Variants in COL4A1 observed in about 807,000 individuals in gnomAD.
The protein encoded by COL4A1 is collagen type IV alpha 1 chain, also known as collagen alpha-1(IV) chain.
A neutral mutation model predicts 216.6 loss-of-function variants in COL4A1; 40 were observed. The ratio of observed to expected loss-of-function variants is 0.18; its 90% confidence interval spans 0.14 to 0.24. The LOEUF is 0.24. COL4A1 is among the 10% of genes least tolerant of loss of function. The probability of loss-of-function intolerance (pLI) is 1.00; values close to 1 mark genes in which losing one functional copy is unlikely to be tolerated. For missense variants in COL4A1, 1,628 were observed against 2,196.8 expected, an observed-to-expected ratio of 0.74 and a Z score of 5.18; for synonymous variants, 839 against 810.7, an observed-to-expected ratio of 1.03 and a Z score of -0.59.
intron 1 of COL4A1, among the ~76,000 whole-genome samples, chr13:110,290,255 C>A (rs908372990): frequency 6.6e-6 from 1 of 152,176 alleles, no homozygotes; most frequent in Non-Finnish European, 1.5e-5. Flanking sequence ...CACACGTGAG[C>A]GCGTTGCAAG....
At chr13:110,247,864 G>T (rs1881899425) in intron 1 of COL4A1, among the ~76,000 whole-genome samples, 2 of 149,784 alleles carry the variant, frequency 1.3e-5, no homozygotes, top group Admixed American at 6.7e-5. Context: ...AGGGAGGGAG[G>T]GGAGAAGGGT....
At chr13:110,158,061 C>G (rs1240974297) in intron 49 of COL4A1, among the ~76,000 whole-genome samples, 1 of 152,220 alleles carries the variant, frequency 6.6e-6, no homozygotes, top group Non-Finnish European at 1.5e-5. Flanking sequence ...AAAGTTGTTA[C>G]TTTTCCTTCT....
intron 49 of COL4A1, 49 bp downstream of exon 49, chr13:110,161,143 G>C (rs1877064949): frequency 2.5e-6 from 4 of 1,578,510 alleles, no homozygotes; most frequent in Non-Finnish European, 3.5e-6. Context: ...CCAGACTAGA[G>C]ACTTTTCCTC....
At chr13:110,296,398 T>C (rs1008181089) in intron 1 of COL4A1, among the ~76,000 whole-genome samples, 1 of 152,130 alleles carries the variant, frequency 6.6e-6, no homozygotes, top group Non-Finnish European at 1.5e-5. Flanking sequence ...TGATCTCTTA[T>C]AAGAAATAAA....
chr13:110,206,034 AAC>A (rs149239348), intron 15 of COL4A1, among the ~76,000 whole-genome samples: 12,443 of 152,244 alleles, frequency 0.082, 504 homozygotes, highest in African/African-American at 0.1. Flanking sequence ...ATAATTATGA[AAC>A]AGTTACAATA....
At position 110,150,439 on chromosome 13, in the gene COL4A1, G is replaced by A. The variant is rs1594525628; in HGVS notation, c.4934C>T (p.Pro1645Leu). 3.1e-6 allele frequency: 5 copies of A among 1,613,934 alleles called. No individual in the cohort carries two copies. The highest frequency in any genetic ancestry group is 4.2e-6 in the Non-Finnish European group (5 of 1,179,974). Residue 1645 changes from proline (P) to leucine (L), a missense_variant, in exon 52 of 52, where the codon CCT becomes CTT. Coordinates refer to ENST00000375820, the MANE Select transcript of COL4A1 (RefSeq NM_001845.6). ...CCCTGCCTTCAAGGTGGACGGCGTA[G>A]GCTTCCTAAAACACGACACAGAGAC... ...TIERSEMFKK[P>L]TPSTLKAGEL...
At chr13:110,177,614 G>A (rs1320039527) in intron 33 of COL4A1, among the ~76,000 whole-genome samples, 1 of 152,062 alleles carries the variant, frequency 6.6e-6, no homozygotes, top group Non-Finnish European at 1.5e-5. Flanking sequence ...AAGAAGGAAA[G>A]CCCAGCTTCT....
intron 1 of COL4A1, among the ~76,000 whole-genome samples, chr13:110,250,952 A>G (rs1882046263): frequency 6.6e-6 from 1 of 152,228 alleles, no homozygotes. Context: ...TCCCACCCAT[A>G]GAGTTGTCAC....
At chr13:110,203,483 C>A in intron 18 of COL4A1, 83 bp downstream of exon 18, 1 of 1,489,322 alleles carries the variant, frequency 6.7e-7, no homozygotes, top group South Asian at 1.1e-5. Context: ...TCTCCTTCCT[C>A]CCCCCAGTGC....
Position 110,208,660 on chromosome 13 carries a change from G to A in COL4A1, c.693+189C>T, listed in dbSNP as rs75247120. ...ACAGAGCACTTCCATAAATTCTAGC[G>A]TACTGAATAAGCTAGAATAAATTCA... On this transcript the variant is annotated intron_variant, in intron 12 of 51. Coordinates refer to ENST00000375820, the MANE Select transcript of COL4A1 (RefSeq NM_001845.6). Among the ~76,000 whole-genome samples the A allele has an allele frequency of 0.02, 3,033 of 152,204 alleles. 100 individuals carry two copies. Among genetic ancestry groups the A allele is most frequent in the African/African-American group, 0.069 (2,880 of 41,504 alleles).
chr13:110,217,063 A>T (rs780171389), intron 2 of COL4A1, among the ~76,000 whole-genome samples: 1 of 152,178 alleles, frequency 6.6e-6, no homozygotes, highest in African/African-American at 2.4e-5. Context: ...CATTCCCCAC[A>T]TATTTTTTTA....
intron 1 of COL4A1, among the ~76,000 whole-genome samples, chr13:110,276,783 T>C (rs1883447953): frequency 6.6e-6 from 1 of 152,188 alleles, no homozygotes; most frequent in Non-Finnish European, 1.5e-5. Flanking sequence ...ACAACACAGT[T>C]CAAAACTCTG....
chr13:110,169,917 G>A (rs1877529139), intron 42 of COL4A1, among the ~76,000 whole-genome samples, 155 bp from the exon 43 acceptor site: 1 of 141,354 alleles, frequency 7.1e-6, no homozygotes, highest in Non-Finnish European at 1.6e-5. Flanking sequence ...GCAGGTCCAG[G>A]AAGGAAGGAA....
Position 110,186,259 on chromosome 13 carries a change from T to G in COL4A1, c.1897+126A>C, listed in dbSNP as rs543210097. ...CTTGCCCAGGTCCTGCCCCAATTCC[T>G]GGAAGAATCAAAGCCAAGTGTGCGC... is the stretch of plus-strand genomic sequence containing the variant. On this transcript the variant is annotated intron_variant, in intron 26 of 51. Transcript: ENST00000375820. The G allele has an allele frequency of 5.7e-6, 7 of 1,238,244 alleles. No individual in the cohort carries two copies. In the African/African-American group the frequency reaches 8.9e-5, roughly 16 times the overall value. 76.7% of individuals were successfully genotyped at this position (1,238,244 alleles called of 1,614,324 possible). A position where few individuals can be genotyped will look rare whatever the true frequency, so the allele number is the denominator to read the frequency against.
intron 1 of COL4A1, among the ~76,000 whole-genome samples, chr13:110,247,836 G>GT (rs1566411252): frequency 0.15 from 11,613 of 78,324 alleles, 1,259 homozygotes; most frequent in Admixed American, 0.18. Context: ...TGTGTGTGTG[G>GT]CAGAGAGAGA....
At position 110,291,281 on chromosome 13, in the gene COL4A1, T is replaced by G. The variant is rs115478563; in HGVS notation, c.84+15663A>C. ...TCATCTAAACTCTTGATCTTGTCTT[T>G]TCATTTCTTCAGCATTTCTCAGCAA... On this transcript the variant is annotated intron_variant, in intron 1 of 51. Transcript: ENST00000375820. Among the ~76,000 whole-genome samples, 294 of 152,324 alleles carry G rather than the reference T, an allele frequency of 1.9e-3. 1 individual carries two copies. The highest frequency in any genetic ancestry group is 6.8e-3 in the African/African-American group (283 of 41,578).
intron 2 of COL4A1, among the ~76,000 whole-genome samples, chr13:110,219,910 ATG>A (rs1283709428): frequency 6.6e-5 from 9 of 135,858 alleles, no homozygotes; most frequent in African/African-American, 1.2e-4. Flanking sequence ...ATGTATATAT[ATG>A]TGTGTATATA....
At chr13:110,165,789 C>T (rs1043939756) in intron 45 of COL4A1, among the ~76,000 whole-genome samples, 1 of 152,200 alleles carries the variant, frequency 6.6e-6, no homozygotes, top group East Asian at 1.9e-4. Context: ...CGGCGACTTT[C>T]ATGCTGTAGG....
chr13:110,289,607 C>G (rs187243811), intron 1 of COL4A1, among the ~76,000 whole-genome samples: 12 of 152,300 alleles, frequency 7.9e-5, no homozygotes, highest in African/African-American at 2.9e-4. Flanking sequence ...CTTGCAGGTT[C>G]GTCCTTCACA....
Sources: allele counts gnomAD v4.1 joint callset (sites outside exome capture counted in the v4.1 genomes callset), GRCh38; gene constraint gnomAD v4.1.1; transcripts MANE v1.5; gene names NCBI Gene and HGNC (gene_info 2026-07-23, HGNC 2026-07-21).